Variants in PNKD observed in about 807,000 individuals in gnomAD.
PNKD encodes PNKD metallo-beta-lactamase domain containing, also known as probable thioesterase PNKD.
PNKD carries 36 observed loss-of-function variants against 45.3 expected under a neutral mutation model. The observed-to-expected ratio is 0.80, with a 90% CI of 0.61 to 1.05. PNKD has a LOEUF of 1.05. Among genes scored for constraint, PNKD ranks in the 50% least tolerant of loss-of-function variants. PNKD has a pLI of 0.00. For synonymous variants in PNKD, 197 were observed against 210.1 expected (o/e 0.94, Z 0.54); for missense variants, 511 against 506.6 (o/e 1.01, Z -0.08).
intron 2 of PNKD, among the ~76,000 whole-genome samples, chr2:218,313,502 G>T (rs1164687732): frequency 6.6e-6 from 1 of 152,054 alleles, no homozygotes; most frequent in East Asian, 1.9e-4. Context: ...TCCAATTCAG[G>T]ATCACGTACT....
chr2:218,272,852 C>T (rs1045673), intron 2 of PNKD: 25 of 1,605,712 alleles, frequency 1.6e-5, no homozygotes, highest in Admixed American at 3.4e-5. Flanking sequence ...CACCAGAGGG[C>T]GCATGAAGCC....
At chr2:218,294,154 A>G (rs1693079311) in intron 2 of PNKD, among the ~76,000 whole-genome samples, 1 of 152,102 alleles carries the variant, frequency 6.6e-6, no homozygotes, top group Non-Finnish European at 1.5e-5. Context: ...TGATCTCACC[A>G]GAGCAAGTAC....
chr2:218,314,554 T>TA (rs1459846021), intron 2 of PNKD, among the ~76,000 whole-genome samples: 1 of 152,102 alleles, frequency 6.6e-6, no homozygotes, highest in African/African-American at 2.4e-5. Flanking sequence ...ATTTTCTTGA[T>TA]TCTTTTGAGT....
At chr2:218,320,003 G>A (rs756338469) in intron 2 of PNKD, among the ~76,000 whole-genome samples, 3 of 152,242 alleles carry the variant, frequency 2.0e-5, no homozygotes, top group Non-Finnish European at 4.4e-5. Flanking sequence ...GGGAATGAGC[G>A]TGGCACATTT....
At chr2:218,310,609 T>TTTTTTA (rs1693582646) in intron 2 of PNKD, among the ~76,000 whole-genome samples, 1 of 149,030 alleles carries the variant, frequency 6.7e-6, no homozygotes, top group African/African-American at 2.5e-5. Context: ...TTTTTTTTTT[T>TTTTTTA]GAGGTGGAGT....
At chr2:218,282,332 C>T in intron 2 of PNKD, 1 of 506,956 alleles carries the variant, frequency 2.0e-6, no homozygotes, top group Non-Finnish European at 3.4e-6. Flanking sequence ...TTGCTGTCCA[C>T]AGGCCACCTC....
At position 218,340,070 on chromosome 2, in the gene PNKD, A is replaced by AGCTG; in HGVS notation, c.397_398insGGCT (p.Tyr133TrpfsTer28). The AGCTG allele has an allele frequency of 6.2e-7, 1 of 1,613,748 alleles. No individual in the cohort carries two copies. Among genetic ancestry groups the AGCTG allele is most frequent in the Non-Finnish European group, 8.5e-7 (1 of 1,179,752 alleles). On this transcript the variant is annotated frameshift_variant, in exon 4 of 10. Coordinates refer to ENST00000273077, the MANE Select transcript of PNKD (RefSeq NM_015488.5). LOFTEE classifies it high-confidence loss of function. This position sits in a 1 kb window ranked among gnomAD's most constrained non-coding sequence, Gnocchi z 4.2. Reference sequence around the variant, plus strand: ...CATCCCTGTCCTCTCGGACAACTACAGCTACCTCATCATCGACACCCAGGC... The same window carrying AGCTG: ...CATCCCTGTCCTCTCGGACAACTACAGCTGGCTACCTCATCATCGACACCCAGGC...
At chr2:218,273,444 GTGT>G (rs1426060846) in intron 2 of PNKD, among the ~76,000 whole-genome samples, 2 of 83,392 alleles carry the variant, frequency 2.4e-5, no homozygotes, top group Non-Finnish European at 4.6e-5. Context: ...GTTACTTTTT[GTGT>G]TTTTTTTTTT....
intron 2 of PNKD, among the ~76,000 whole-genome samples, chr2:218,320,608 C>A (rs887557158): frequency 1.3e-5 from 2 of 152,138 alleles, no homozygotes; most frequent in African/African-American, 4.8e-5. Flanking sequence ...AGAGTTGGCA[C>A]AAAAGGGGAC....
At chr2:218,292,272 G>A (rs559947750) in intron 2 of PNKD, among the ~76,000 whole-genome samples, 1 of 152,336 alleles carries the variant, frequency 6.6e-6, no homozygotes, top group African/African-American at 2.4e-5. Context: ...CCACCCGCGC[G>A]CCCAGGGAGA....
At chr2:218,275,422 C>T in intron 2 of PNKD, 2 of 1,580,256 alleles carry the variant, frequency 1.3e-6, no homozygotes, top group South Asian at 1.2e-5. Flanking sequence ...AGGGCCCAGC[C>T]CTCTAGCTTG....
At position 218,277,196 on chromosome 2, in the gene PNKD, G is replaced by A. The variant is rs1218341991; in HGVS notation, c.236+5647G>A. ...GGGAGTCCCAGTGCTGCCTCCTAGG[G>A]GGTATGGGAATGTCCACAACATTCT... On this transcript the variant is annotated intron_variant, in intron 2 of 9. Coordinates refer to ENST00000273077, the MANE Select transcript of PNKD (RefSeq NM_015488.5). The A allele has an allele frequency of 2.5e-6, 3 of 1,216,658 alleles. No individual in the cohort carries two copies. The Admixed American group carries it at 5.3e-5, about 22-fold the overall frequency. 75.4% of individuals were successfully genotyped at this position (1,216,658 alleles called of 1,614,324 possible).
chr2:218,271,269 C>T, intron 1 of PNKD, 112 bp from the exon 2 acceptor site: 1 of 902,972 alleles, frequency 1.1e-6, no homozygotes, highest in Admixed American at 1.7e-5. Flanking sequence ...AGACTGCAGT[C>T]ACTCCCCTTC....
intron 2 of PNKD, among the ~76,000 whole-genome samples, chr2:218,338,604 A>C (rs1332600628): frequency 2.6e-5 from 4 of 151,980 alleles, no homozygotes; most frequent in African/African-American, 9.6e-5. Context: ...CCATCTCTAC[A>C]AAAAAGATAA....
rs749717787 is a variant in PNKD at position 218,340,181 on chromosome 2, C to G, written c.465+40C>G. 1 of 1,305,704 alleles carries G rather than the reference C, an allele frequency of 7.7e-7. No individual in the cohort carries two copies. Among genetic ancestry groups the G allele is most frequent in the Non-Finnish European group, 1.1e-6 (1 of 902,332 alleles). The allele number at this position is 1,305,704 out of a possible 1,614,324, so 80.9% of individuals were successfully genotyped here. A position where few individuals can be genotyped will look rare whatever the true frequency, so the allele number is the denominator to read the frequency against. ...GGGAGCAGGGGGTGCCTGGAGTCAC[C>G]TTGGGGACTGGCAGTTTCGCCTTGC... On this transcript the variant is annotated intron_variant, in intron 4 of 9. Coordinates refer to ENST00000273077, the MANE Select transcript of PNKD (RefSeq NM_015488.5). This position sits in a 1 kb window ranked among gnomAD's most constrained non-coding sequence, Gnocchi z 4.2.
At chr2:218,282,213 ATGCC>A in intron 2 of PNKD, 1 of 1,272,734 alleles carries the variant, frequency 7.9e-7, no homozygotes, top group Non-Finnish European at 1.0e-6. Flanking sequence ...GCAATCGTGA[ATGCC>A]CAGGCCCAGC....
chr2:218,289,417 G>A (rs557517094), intron 2 of PNKD, among the ~76,000 whole-genome samples: 12 of 152,146 alleles, frequency 7.9e-5, no homozygotes, highest in East Asian at 3.9e-4. Context: ...CGAGCCAGGC[G>A]GATCACTTGA....
chr2:218,286,284 A>C, intron 2 of PNKD: 1 of 152,000 alleles, frequency 6.6e-6, no homozygotes, highest in East Asian at 1.9e-4. Context: ...TGATCCACCC[A>C]CCGAGGCCTC....
chr2:218,307,074 C>G (rs536308404), intron 2 of PNKD, among the ~76,000 whole-genome samples: 2 of 152,226 alleles, frequency 1.3e-5, no homozygotes, highest in Non-Finnish European at 2.9e-5. Context: ...CAGATGATGC[C>G]GTTGGCCAAG....
Sources: gnomAD v4.1 joint callset for allele counts (sites outside exome capture counted in the v4.1 genomes callset) on GRCh38, gnomAD v4.1.1 for gene constraint, Gnocchi (gnomAD v3.1) non-coding constraint, MANE v1.5 for transcripts, NCBI Gene and HGNC (gene_info 2026-07-23, HGNC 2026-07-21) for gene names.